Variants in FAM240B observed in about 807,000 individuals in gnomAD.
FAM240B encodes family with sequence similarity 240 member B.
At position 38,700,563 on chromosome 9, in the gene FAM240B, G is replaced by A. The variant is rs62539022; in HGVS notation, c.143+3294C>T. 1.5e-3 allele frequency among the ~76,000 whole-genome samples: 226 copies of A among 152,322 alleles called. 1 individual carries two copies. The highest frequency in any genetic ancestry group is 4.7e-3 in the African/African-American group (195 of 41,570). ...CTGAGATACTTTTGAAAATAAAAGAGACTGTAGTCAATGATTATACCAAAC... is the reference window on the plus strand; with the variant it reads ...CTGAGATACTTTTGAAAATAAAAGAAACTGTAGTCAATGATTATACCAAAC... On this transcript the variant is annotated intron_variant, in intron 2 of 2. Coordinates refer to ENST00000637493, the MANE Select transcript of FAM240B (RefSeq NM_001394922.1).
chr9:38,718,242 G>C (rs1407886154), intron 1 of FAM240B, among the ~76,000 whole-genome samples: 1 of 152,198 alleles, frequency 6.6e-6, no homozygotes, highest in Non-Finnish European at 1.5e-5. Context: ...AGTAAATCAT[G>C]TTTTGTTCAC....
intron 1 of FAM240B, among the ~76,000 whole-genome samples, chr9:38,707,793 CAA>C (rs11300800): frequency 0.017 from 1,832 of 109,352 alleles, 36 homozygotes; most frequent in African/African-American, 0.056. Context: ...GACTCGGTCT[CAA>C]AAAAAAAAAA....
intron 1 of FAM240B, among the ~76,000 whole-genome samples, chr9:38,717,541 C>T (rs1283348553): frequency 1.3e-5 from 2 of 152,144 alleles, no homozygotes; most frequent in African/African-American, 2.4e-5. Context: ...AGTGCAGTGG[C>T]GCAATCTTGG....
intron 1 of FAM240B, among the ~76,000 whole-genome samples, chr9:38,716,187 C>A (rs932505524): frequency 3.9e-5 from 6 of 152,158 alleles, no homozygotes; most frequent in African/African-American, 1.2e-4. Context: ...ATATGGTGCC[C>A]TTGGCCCGGT....
chr9:38,705,788 G>A (rs186305307), intron 1 of FAM240B, among the ~76,000 whole-genome samples: 487 of 152,306 alleles, frequency 3.2e-3, no homozygotes, highest in African/African-American at 0.01. Context: ...GAAGAAGCTT[G>A]AAACTGAAAA....
intron 2 of FAM240B, among the ~76,000 whole-genome samples, chr9:38,695,274 T>A (rs536083970): frequency 3.3e-5 from 5 of 152,308 alleles, no homozygotes; most frequent in Non-Finnish European, 4.4e-5. Context: ...ATCCCAGCAC[T>A]TTGGGAGGCC....
At chr9:38,715,239 G>T (rs1393063414) in intron 1 of FAM240B, among the ~76,000 whole-genome samples, 1 of 152,194 alleles carries the variant, frequency 6.6e-6, no homozygotes, top group East Asian at 1.9e-4. Flanking sequence ...TCCAGGACTA[G>T]GAGTTAGGAG....
At chr9:38,699,473 A>G (rs990607780) in intron 2 of FAM240B, among the ~76,000 whole-genome samples, 1 of 152,182 alleles carries the variant, frequency 6.6e-6, no homozygotes, top group Non-Finnish European at 1.5e-5. Flanking sequence ...CTGTGAAAAG[A>G]GAGGGGGGAA....
intron 1 of FAM240B, among the ~76,000 whole-genome samples, chr9:38,709,619 G>T (rs535417436): frequency 2.6e-5 from 4 of 152,312 alleles, no homozygotes; most frequent in South Asian, 4.1e-4. Flanking sequence ...TCTCTGTGTG[G>T]TCGGGAAGAA....
At position 38,703,882 on chromosome 9, in the gene FAM240B, G is replaced by A. The variant is rs534181495; in HGVS notation, c.118C>T (p.Arg40Cys). Residue 40 changes from arginine to cysteine, a missense_variant, in exon 2 of 3, where the codon CGT becomes TGT. Physicochemically the swap from Arg to Cys is radical, Grantham distance 180. Coordinates refer to ENST00000637493, the MANE Select transcript of FAM240B (RefSeq NM_001394922.1). ...QTFYRELEED[R>C]QERSALKKLR... Reference sequence around the variant, plus strand: ...TTTTTCAGGGCGCTTCTTTCTTGACGATCTTCCTCCAGTTCTCGGTAAAAA... The same window carrying A: ...TTTTTCAGGGCGCTTCTTTCTTGACAATCTTCCTCCAGTTCTCGGTAAAAA... 2.8e-4 allele frequency: 111 copies of A among 400,426 alleles called. No individual in the cohort carries two copies. The highest frequency in any genetic ancestry group is 2.1e-3 in the African/African-American group (103 of 48,778). The allele number at this position is 400,426 out of a possible 1,614,324, so 24.8% of individuals were successfully genotyped here.
intron 1 of FAM240B, among the ~76,000 whole-genome samples, chr9:38,713,689 C>G (rs1564001909): frequency 6.6e-6 from 1 of 152,014 alleles, no homozygotes; most frequent in African/African-American, 2.4e-5. Context: ...GAGGTAGCCA[C>G]TGAAGCATTT....
intron 1 of FAM240B, among the ~76,000 whole-genome samples, chr9:38,715,467 C>G (rs961641130): frequency 1.3e-5 from 2 of 152,210 alleles, no homozygotes; most frequent in African/African-American, 4.8e-5. Context: ...GCCACAAGCT[C>G]GGAAGCCTGT....
chr9:38,700,200 TA>T (rs1482552006), intron 2 of FAM240B, among the ~76,000 whole-genome samples: 2 of 152,252 alleles, frequency 1.3e-5, no homozygotes, highest in Non-Finnish European at 2.9e-5. Flanking sequence ...CTTTGTAGAC[TA>T]ACTCTTGTCT....
chr9:38,706,793 A>G (rs979231694), intron 1 of FAM240B, among the ~76,000 whole-genome samples: 1 of 152,218 alleles, frequency 6.6e-6, no homozygotes, highest in Non-Finnish European at 1.5e-5. Context: ...TTTCTTTCCC[A>G]GGATAATCAT....
chr9:38,703,441 C>G (rs1814600266), intron 2 of FAM240B, among the ~76,000 whole-genome samples: 1 of 152,208 alleles, frequency 6.6e-6, no homozygotes, highest in Non-Finnish European at 1.5e-5. Flanking sequence ...ACTCCTATAG[C>G]CCAAATCCTG....
intron 2 of FAM240B, among the ~76,000 whole-genome samples, chr9:38,696,675 A>G (rs540712152): frequency 1.6e-4 from 24 of 152,222 alleles, no homozygotes; most frequent in African/African-American, 5.3e-4. Flanking sequence ...TTAGCTGGGC[A>G]TGGTGGCGGG....
chr9:38,714,455 T>C (rs1269939947), intron 1 of FAM240B, among the ~76,000 whole-genome samples: 1 of 152,220 alleles, frequency 6.6e-6, no homozygotes, highest in Non-Finnish European at 1.5e-5. Flanking sequence ...CTCCCCTCTC[T>C]CTAGAAGGTG....
At chr9:38,696,936 A>G (rs1039925870) in intron 2 of FAM240B, among the ~76,000 whole-genome samples, 9 of 152,316 alleles carry the variant, frequency 5.9e-5, no homozygotes, top group African/African-American at 2.2e-4. Flanking sequence ...CCCATATTTT[A>G]ATTTGTAATC....
chr9:38,706,027 G>A (rs906374583), intron 1 of FAM240B, among the ~76,000 whole-genome samples: 2 of 152,066 alleles, frequency 1.3e-5, no homozygotes, highest in Admixed American at 6.6e-5. Flanking sequence ...GCTGCTCTGC[G>A]GGTGGTTCTC....
Sources: allele counts gnomAD v4.1 joint callset (sites outside exome capture counted in the v4.1 genomes callset), GRCh38; gene constraint gnomAD v4.1.1; transcripts MANE v1.5; gene names NCBI Gene and HGNC (gene_info 2026-07-23, HGNC 2026-07-21).